CADM2: variants seen among roughly 807,000 people sequenced by gnomAD.
The protein encoded by CADM2 is cell adhesion molecule 2, also known as immunoglobulin superfamily member 4D.
CADM2 carries 12 observed loss-of-function variants against 49.8 expected under a neutral mutation model. That is an observed-to-expected ratio of 0.24 (90% CI 0.15 to 0.39). The LOEUF is 0.39. CADM2 is among the 10% of genes least tolerant of loss of function. The pLI is 1.00. For missense variants in CADM2, 378 were observed against 492.3 expected (o/e 0.77, Z 2.20); for synonymous variants, 214 against 175.4 (o/e 1.22, Z -1.74).
At chr3:85,304,601 A>G (rs1013953008) in intron 1 of CADM2, among the ~76,000 whole-genome samples, 1 of 151,802 alleles carries the variant, frequency 6.6e-6, no homozygotes, top group East Asian at 1.9e-4. Context: ...CGGAATATAA[A>G]GGTGGAAAAA....
chr3:85,467,321 G>A (rs1193680803), intron 1 of CADM2, among the ~76,000 whole-genome samples: 1 of 151,900 alleles, frequency 6.6e-6, no homozygotes, highest in Non-Finnish European at 1.5e-5. Flanking sequence ...ACTTCTTTTT[G>A]TATCATTTAT....
chr3:85,194,074 T>A (rs1444788564), intron 1 of CADM2, among the ~76,000 whole-genome samples: 1 of 152,096 alleles, frequency 6.6e-6, no homozygotes, highest in Non-Finnish European at 1.5e-5. Flanking sequence ...CCTAAAGAAG[T>A]AGTTTATGAA....
At chr3:85,966,463 C>T (rs2108629127) in intron 8 of CADM2, among the ~76,000 whole-genome samples, 1 of 151,678 alleles carries the variant, frequency 6.6e-6, no homozygotes, top group East Asian at 2.0e-4. Context: ...TCATTATTTT[C>T]TCCTTGTATG....
chr3:85,344,347 C>T lies in CADM2; in HGVS notation c.62-382175C>T, dbSNP rs572304563. Among the ~76,000 whole-genome samples, 7 of 151,350 alleles carry T rather than the reference C, an allele frequency of 4.6e-5. No homozygotes were observed. In the South Asian group the frequency reaches 8.3e-4, roughly 18 times the overall value. On this transcript the variant is annotated intron_variant, in intron 1 of 9. Transcript: ENST00000383699. ...AGTGAGCAGAGATTGCGCCACTGCA[C>T]TCCAGCCCAGCGACAGAGTGAGACA... is the stretch of plus-strand genomic sequence containing the variant.
At chr3:85,662,442 C>A (rs2107613004) in intron 1 of CADM2, among the ~76,000 whole-genome samples, 1 of 152,040 alleles carries the variant, frequency 6.6e-6, no homozygotes, top group South Asian at 2.1e-4. Context: ...ATATAGCCTC[C>A]AAATTGAGTC....
intron 1 of CADM2, among the ~76,000 whole-genome samples, chr3:85,600,712 T>C (rs1685137647): frequency 1.3e-5 from 2 of 151,692 alleles, no homozygotes; most frequent in Admixed American, 1.3e-4. Context: ...ACAAACATAA[T>C]ACAAAAATGG....
chr3:84,972,132 A>C (rs1033842513), intron 1 of CADM2, among the ~76,000 whole-genome samples: 5 of 152,176 alleles, frequency 3.3e-5, no homozygotes, highest in African/African-American at 1.2e-4. Context: ...TCACGGTCTC[A>C]CTGGCCTTGA....
At chr3:85,106,013 G>A (rs2038209344) in intron 1 of CADM2, among the ~76,000 whole-genome samples, 1 of 152,064 alleles carries the variant, frequency 6.6e-6, no homozygotes, top group Non-Finnish European at 1.5e-5. Context: ...GTTAATGGGT[G>A]CAGCACACCA....
At chr3:85,565,945 AT>A (rs2062241468) in intron 1 of CADM2, among the ~76,000 whole-genome samples, 1 of 152,050 alleles carries the variant, frequency 6.6e-6, no homozygotes, top group Non-Finnish European at 1.5e-5. Flanking sequence ...GTCCACTAGA[AT>A]GTACAGTATG....
Position 85,749,824 on chromosome 3 carries a change from A to G in CADM2, c.88+23276A>G, listed in dbSNP as rs73142861. On this transcript the variant is annotated intron_variant, in intron 2 of 9. Coordinates refer to ENST00000383699, the MANE Select transcript of CADM2 (RefSeq NM_001167675.2). ...AAGTGCTAACATTTGCCTATCCCTAAATAGTTTTTGTTTGTTTGTTTAGTT... is the reference window on the plus strand; with the variant it reads ...AAGTGCTAACATTTGCCTATCCCTAGATAGTTTTTGTTTGTTTGTTTAGTT... Among the ~76,000 whole-genome samples the G allele has an allele frequency of 8.6e-3, 1,311 of 152,024 alleles. 15 individuals carry two copies. The highest frequency in any genetic ancestry group is 0.041 in the Middle Eastern group (12 of 294).
At chr3:85,181,727 CCA>C (rs1249984449) in intron 1 of CADM2, among the ~76,000 whole-genome samples, 1 of 151,486 alleles carries the variant, frequency 6.6e-6, no homozygotes, top group Non-Finnish European at 1.5e-5. Flanking sequence ...AGAAGTCTAC[CCA>C]CAGAGATTTT....
intron 1 of CADM2, among the ~76,000 whole-genome samples, chr3:85,396,184 G>C (rs1341770308): frequency 1.3e-5 from 2 of 151,572 alleles, no homozygotes; most frequent in South Asian, 2.1e-4. Context: ...ATATTTAACT[G>C]TTCATTTATT....
chr3:85,317,843 A>G (rs561564187), intron 1 of CADM2, among the ~76,000 whole-genome samples: 1 of 152,328 alleles, frequency 6.6e-6, no homozygotes, highest in African/African-American at 2.4e-5. Context: ...AATTATTAGC[A>G]TAGCATGAAT....
At chr3:85,036,646 A>G (rs1270955538) in intron 1 of CADM2, among the ~76,000 whole-genome samples, 1 of 152,168 alleles carries the variant, frequency 6.6e-6, no homozygotes, top group Non-Finnish European at 1.5e-5. Flanking sequence ...AGCTAGAAGT[A>G]ACTCTATTAT....
intron 1 of CADM2, among the ~76,000 whole-genome samples, chr3:85,582,990 G>T (rs774067286): frequency 2.6e-5 from 4 of 152,140 alleles, no homozygotes; most frequent in Non-Finnish European, 5.9e-5. Flanking sequence ...AGGTGTTTAG[G>T]ACTGAAAGAG....
At chr3:85,838,440 T>A (rs1335071384) in intron 3 of CADM2, among the ~76,000 whole-genome samples, 2 of 151,874 alleles carry the variant, frequency 1.3e-5, no homozygotes, top group South Asian at 2.1e-4. Flanking sequence ...GCAACCCACC[T>A]TGGAAGCTGT....
chr3:85,978,193 T>C (rs1174870889), intron 8 of CADM2, among the ~76,000 whole-genome samples: 1 of 151,644 alleles, frequency 6.6e-6, no homozygotes, highest in Non-Finnish European at 1.5e-5. Flanking sequence ...AGGATCTCAC[T>C]GAAGTTCTCA....
chr3:85,813,762 G>A (rs531464653), intron 3 of CADM2, among the ~76,000 whole-genome samples: 4 of 152,180 alleles, frequency 2.6e-5, no homozygotes, highest in Admixed American at 6.5e-5. Context: ...TATATGGCTA[G>A]TCAGTTTTCC....
intron 1 of CADM2, among the ~76,000 whole-genome samples, chr3:85,367,384 A>T (rs962371933): frequency 1.6e-4 from 24 of 151,964 alleles, no homozygotes; most frequent in African/African-American, 5.6e-4. Flanking sequence ...TTAGAAATGC[A>T]ATAATACCAA....
Sources: allele counts gnomAD v4.1 joint callset (sites outside exome capture counted in the v4.1 genomes callset), GRCh38; gene constraint gnomAD v4.1.1; transcripts MANE v1.5; gene names NCBI Gene and HGNC (gene_info 2026-07-23, HGNC 2026-07-21).